The following ADRA1A variants were observed in gnomAD, a reference collection of about 807,000 sequenced individuals.
ADRA1A encodes alpha-1A adrenergic receptor.
Under a neutral mutation model 29.6 loss-of-function variants are expected in ADRA1A, and 31 were observed. That is an observed-to-expected ratio of 1.05 (90% CI 0.79 to 1.41). The LOEUF is 1.41. Ranked by LOEUF, ADRA1A falls within the 40% of genes most tolerant of loss-of-function variation. The pLI, the probability that ADRA1A is intolerant of heterozygous loss-of-function variation, is 0.00. For missense variants in ADRA1A, 619 were observed against 601.1 expected (o/e 1.03, Z -0.31); for synonymous variants, 311 against 254.3 (o/e 1.22, Z -2.12).
Position 26,818,536 on chromosome 8 carries a change from C to G in ADRA1A, c.883+45551G>C, listed in dbSNP as rs115698365. Among the ~76,000 whole-genome samples, 667 of 152,076 alleles carry G rather than the reference C, an allele frequency of 4.4e-3. 7 individuals are homozygous for G. Among genetic ancestry groups the G allele is most frequent in the African/African-American group, 0.015 (635 of 41,488 alleles). On this transcript the variant is annotated intron_variant, in intron 2 of 2. Transcript: ENST00000380573. ...TTCAAGGAATTGATGGCTTAACTAT[C>G]TCAAAGTATAATACATAGGAAAAGG...
intron 2 of ADRA1A, among the ~76,000 whole-genome samples, chr8:26,792,802 A>G (rs1807926618): frequency 6.7e-6 from 1 of 148,754 alleles, no homozygotes; most frequent in Non-Finnish European, 1.5e-5. Context: ...CCATTCATTA[A>G]TTATTGCTTA....
chr8:26,857,988 T>C (rs1813171435), intron 2 of ADRA1A, among the ~76,000 whole-genome samples: 1 of 152,246 alleles, frequency 6.6e-6, no homozygotes, highest in African/African-American at 2.4e-5. Flanking sequence ...ACAGTATATG[T>C]TCAATGAAAC....
At chr8:26,756,082 T>A (rs1180005861), downstream of ADRA1A, among the ~76,000 whole-genome samples, 3 of 152,274 alleles carry the variant, frequency 2.0e-5, no homozygotes, top group Admixed American at 6.5e-5. Flanking sequence ...TCCCCACTTT[T>A]GGCAATAAAA....
chr8:26,776,988 G>A (rs1408827611), intron 2 of ADRA1A, among the ~76,000 whole-genome samples: 1 of 152,162 alleles, frequency 6.6e-6, no homozygotes, highest in Non-Finnish European at 1.5e-5. Context: ...GAGCTCCAGT[G>A]CCAGTAACAT....
At chr8:26,816,826 T>C (rs1809803649) in intron 2 of ADRA1A, among the ~76,000 whole-genome samples, 1 of 152,124 alleles carries the variant, frequency 6.6e-6, no homozygotes. Context: ...CCAGCCCCCA[T>C]CCTACAGGAG....
At chr8:26,762,774 G>T (rs1033080602), downstream of ADRA1A, among the ~76,000 whole-genome samples, 2 of 152,094 alleles carry the variant, frequency 1.3e-5, no homozygotes, top group Non-Finnish European at 2.9e-5. The surrounding 1 kb of genome is among the most constrained non-coding windows in gnomAD (Gnocchi z 4.0). Context: ...CACCATCCAC[G>T]CCCCATCTCA....
downstream of ADRA1A, chr8:26,768,774 G>C: frequency 4.3e-6 from 2 of 462,702 alleles, no homozygotes; most frequent in Non-Finnish European, 5.7e-6. Context: ...AACACTTCTG[G>C]TTCCAGGCAT....
At chr8:26,812,220 T>C (rs926776341) in intron 2 of ADRA1A, among the ~76,000 whole-genome samples, 1 of 152,234 alleles carries the variant, frequency 6.6e-6, no homozygotes, top group African/African-American at 2.4e-5. Context: ...TTCTCATGCC[T>C]GCTTCTTCCT....
intron 2 of ADRA1A, among the ~76,000 whole-genome samples, chr8:26,857,964 T>C (rs1400360887): frequency 1.3e-5 from 2 of 152,240 alleles, no homozygotes; most frequent in Admixed American, 6.5e-5. Context: ...AGTGATTCTA[T>C]AGCTTCCTGG....
rs541336503 is a variant in ADRA1A at position 26,828,176 on chromosome 8, G to A, written c.883+35911C>T. ...CCCAGGGTGCTAAGATTACAGGTAT[G>A]AGCCACTGCACCTGGCCTTTCTTAT... is the stretch of plus-strand genomic sequence containing the variant. On this transcript the variant is annotated intron_variant, in intron 2 of 2. Coordinates refer to ENST00000380573, the MANE Select transcript of ADRA1A (RefSeq NM_000680.4). Among the ~76,000 whole-genome samples, 3 of 152,322 alleles carry A rather than the reference G, an allele frequency of 2.0e-5. No homozygotes were observed. The South Asian group carries it at 6.2e-4, about 32-fold the overall frequency.
rs1809699268 is a variant in ADRA1A at position 26,815,629 on chromosome 8, T to G, written c.884-44963A>C. ...AGTGAAAGGTAGATGACTAGGAACCTGATCAGTCTCAGCCTGGATACTGTT... is the reference window on the plus strand; with the variant it reads ...AGTGAAAGGTAGATGACTAGGAACCGGATCAGTCTCAGCCTGGATACTGTT... On this transcript the variant is annotated intron_variant, in intron 2 of 2. Coordinates refer to ENST00000380573, the MANE Select transcript of ADRA1A (RefSeq NM_000680.4). This position sits in a 1 kb window ranked among gnomAD's most constrained non-coding sequence, Gnocchi z 4.2. 6.6e-6 allele frequency among the ~76,000 whole-genome samples: 1 copy of G among 152,198 alleles called. No homozygotes were observed. Among genetic ancestry groups the G allele is most frequent in the African/African-American group, 2.4e-5 (1 of 41,456 alleles).
At position 26,775,196 on chromosome 8, in the gene ADRA1A, G is replaced by A. The variant is rs141769168; in HGVS notation, c.884-4530C>T. Among the ~76,000 whole-genome samples the A allele has an allele frequency of 7.0e-4, 106 of 152,274 alleles. 1 individual carries two copies. Among genetic ancestry groups the A allele is most frequent in the Admixed American group, 1.6e-3 (25 of 15,300 alleles). On this transcript the variant is annotated intron_variant, in intron 2 of 2. Coordinates refer to ENST00000380573, the MANE Select transcript of ADRA1A (RefSeq NM_000680.4). The surrounding 1 kb of genome is among the most constrained non-coding windows in gnomAD (Gnocchi z 4.1). ...ATGAATGGCCGACCTTCTGACAGAC[G>A]GATGGACTGACTGACTGAATGAATG...
At chr8:26,813,726 AGGTG>A (rs141993717) in intron 2 of ADRA1A, among the ~76,000 whole-genome samples, 8,389 of 152,206 alleles carry the variant, frequency 0.055, 589 homozygotes, top group African/African-American at 0.16. Flanking sequence ...AGTTTTGATA[AGGTG>A]GCATTTTTTC....
At chr8:26,766,351 C>T (rs17055954), downstream of ADRA1A, among the ~76,000 whole-genome samples, 9,701 of 152,308 alleles carry the variant, frequency 0.064, 302 homozygotes, top group Middle Eastern at 0.088. Context: ...GTGGCCCCTT[C>T]TGCATACTCT....
At position 26,864,487 on chromosome 8, in the gene ADRA1A, G is replaced by A. The variant is rs1585868635; in HGVS notation, c.483C>T (p.Pro161=). The change falls in exon 2 of 3, where the codon CCC becomes CCT. Residue 161 remains proline, a synonymous_variant. Transcript: ENST00000380573. The surrounding 1 kb of genome is among the most constrained non-coding windows in gnomAD (Gnocchi z 8.1). ...WALSLVISIG[P]LFGWRQPAPE... ...GGGCCGGCTGCCTCCAGCCGAACAG[G>A]GGTCCAATGGATATGACCAGGGAGA... 6.2e-7 allele frequency: 1 copy of A among 1,613,892 alleles called. No individual in the cohort carries two copies. Among genetic ancestry groups the A allele is most frequent in the Non-Finnish European group, 8.5e-7 (1 of 1,180,042 alleles).
chr8:26,844,821 T>G (rs961699968), intron 2 of ADRA1A, among the ~76,000 whole-genome samples: 3 of 152,192 alleles, frequency 2.0e-5, no homozygotes, highest in African/African-American at 7.2e-5. Flanking sequence ...TTTGCAACTT[T>G]GTCAGGGGTG....
At chr8:26,804,607 C>T (rs1200636050) in intron 2 of ADRA1A, among the ~76,000 whole-genome samples, 4 of 152,084 alleles carry the variant, frequency 2.6e-5, no homozygotes, top group Non-Finnish European at 5.9e-5. Flanking sequence ...TCCATGGATT[C>T]CATGGGTGTC....
chr8:26,810,835 T>A (rs1267561416), intron 2 of ADRA1A, among the ~76,000 whole-genome samples: 1 of 152,150 alleles, frequency 6.6e-6, no homozygotes, highest in Non-Finnish European at 1.5e-5. Context: ...CGAAATAGTT[T>A]GTAAGTAAAA....
intron 2 of ADRA1A, among the ~76,000 whole-genome samples, chr8:26,850,026 A>AAAAAAAAAAAAACAG (rs1436075163): frequency 5.7e-5 from 1 of 17,512 alleles, no homozygotes; most frequent in Non-Finnish European, 1.5e-4. Flanking sequence ...AGAGAAATGC[A>AAAAAAAAAAAAACAG]AAAACAAAAA....
Sources: gnomAD v4.1 joint callset for allele counts (sites outside exome capture counted in the v4.1 genomes callset) on GRCh38, gnomAD v4.1.1 for gene constraint, Gnocchi (gnomAD v3.1) non-coding constraint, MANE v1.5 for transcripts, NCBI Gene and HGNC (gene_info 2026-07-23, HGNC 2026-07-21) for gene names.